VARS1: variants seen among roughly 807,000 people sequenced by gnomAD.
The protein encoded by VARS1 is valine--tRNA ligase.
In VARS1, 92 loss-of-function variants were observed where a neutral mutation model predicts 161.0. That is an observed-to-expected ratio of 0.57 (90% CI 0.48 to 0.68). The LOEUF is 0.68. Among genes scored for constraint, VARS1 ranks in the 30% least tolerant of loss-of-function variants. The probability of loss-of-function intolerance (pLI) is 0.00; values close to 1 mark genes in which losing one functional copy is unlikely to be tolerated. For missense variants in VARS1, 1,338 were observed against 1,695.9 expected, an observed-to-expected ratio of 0.79 and a Z score of 3.71; for synonymous variants, 595 against 682.5, an observed-to-expected ratio of 0.87 and a Z score of 2.00.
Position 31,782,299 on chromosome 6 carries a change from C to A in VARS1, c.2136G>T (p.Trp712Cys). 1 of 1,612,758 alleles carries A rather than the reference C, an allele frequency of 6.2e-7. No individual in the cohort carries two copies. The highest frequency in any genetic ancestry group is 8.5e-7 in the Non-Finnish European group (1 of 1,179,746). The change falls in exon 17 of 30, where the codon TGG (tryptophan) becomes TGT (cysteine). Residue 712 changes from tryptophan (W) to cysteine (C), a missense_variant. This residue lies in a region of VARS1 where 902 missense variants were observed against 1,090.3 expected (regional missense o/e 0.83). Coordinates refer to ENST00000375663, the MANE Select transcript of VARS1 (RefSeq NM_006295.3). This position sits in a 1 kb window ranked among gnomAD's most constrained non-coding sequence, Gnocchi z 8.3. ...PEAHQRTWHA[W>C]MDNIREWCIS... ...ACCCTACACACCGGATGTTGTCCATCCAGGCATGCCATGTGCGCTGATGGG... is the reference window on the plus strand; with the variant it reads ...ACCCTACACACCGGATGTTGTCCATACAGGCATGCCATGTGCGCTGATGGG...
rs970311664 is a variant in VARS1 at position 31,785,990 on chromosome 6, G to A, written c.1101-257C>T. Among the ~76,000 whole-genome samples the A allele has an allele frequency of 6.6e-6, 1 of 152,270 alleles. No individual in the cohort carries two copies. The highest frequency in any genetic ancestry group is 2.4e-5 in the African/African-American group (1 of 41,472). On this transcript the variant is annotated intron_variant, in intron 8 of 29. Coordinates refer to ENST00000375663, the MANE Select transcript of VARS1 (RefSeq NM_006295.3). This position sits in a 1 kb window ranked among gnomAD's most constrained non-coding sequence, Gnocchi z 6.1. ...AAAAATACAAAATTAGCTGGGCATG[G>A]TGGCATGCGCCTGTAATCCCAGCAC... is the stretch of plus-strand genomic sequence containing the variant.
In VARS1 at chr6:31,782,528, A is replaced by C. The variant is rs1317137845; in HGVS notation, c.1991+2T>G. The C allele has an allele frequency of 6.2e-7, 1 of 1,612,908 alleles. No individual in the cohort carries two copies. The highest frequency in any genetic ancestry group is 8.5e-7 in the Non-Finnish European group (1 of 1,179,982). ...CCTCCCGTCCCAGGCCCCCACCCTCACTTGCAAAGTGGCACCACCATGGGG... is the reference window on the plus strand; with the variant it reads ...CCTCCCGTCCCAGGCCCCCACCCTCCCTTGCAAAGTGGCACCACCATGGGG... On this transcript the variant is annotated splice_donor_variant, in intron 16 of 29. Transcript: ENST00000375663. LOFTEE classifies it high-confidence loss of function. This position sits in a 1 kb window ranked among gnomAD's most constrained non-coding sequence, Gnocchi z 8.3.
At chr6:31,792,953 C>T in intron 3 of VARS1, 33 bp downstream of exon 3, 1 of 1,614,114 alleles carries the variant, frequency 6.2e-7, no homozygotes, top group Non-Finnish European at 8.5e-7. Context: ...CTGAGGAGAG[C>T]AGTCTTGTTC....
rs1812919971 is a variant in VARS1, at chr6:31,778,922, T to C, written c.3726+45A>G. 6.2e-7 allele frequency: 1 copy of C among 1,610,952 alleles called. No individual in the cohort carries two copies. Among genetic ancestry groups the C allele is most frequent in the Non-Finnish European group, 8.5e-7 (1 of 1,178,564 alleles). On this transcript the variant is annotated intron_variant, in intron 29 of 29. Coordinates refer to ENST00000375663, the MANE Select transcript of VARS1 (RefSeq NM_006295.3). The surrounding 1 kb of genome is among the most constrained non-coding windows in gnomAD (Gnocchi z 5.1). ...GGACCAGCCCAGACCAGGGTTTTGA[T>C]GGAGGAAGGGGATGGTGTGGGAAAT...
intron 8 of VARS1, among the ~76,000 whole-genome samples, chr6:31,789,159 C>T (rs1447731193): frequency 6.6e-6 from 1 of 151,630 alleles, no homozygotes; most frequent in East Asian, 1.9e-4. Context: ...GAAACATTTA[C>T]AATTAACAGG....
At chr6:31,792,630 C>G (rs555266332) in intron 4 of VARS1, 114 bp from the exon 5 acceptor site, 10 of 1,591,462 alleles carry the variant, frequency 6.3e-6, no homozygotes, top group African/African-American at 5.4e-5. Context: ...TGCTGACCTC[C>G]CCCCTCTCCC....
intron 8 of VARS1, among the ~76,000 whole-genome samples, chr6:31,787,635 ACT>A (rs1192282426): frequency 2.7e-5 from 4 of 150,774 alleles, no homozygotes; most frequent in African/African-American, 7.3e-5. Flanking sequence ...ACAGAGCGAG[ACT>A]CTGTCTCAAT....
In VARS1 at chr6:31,780,470, T is replaced by C; in HGVS notation, c.2896A>G (p.Lys966Glu). ...GAGGTGGGTGAGGGCACAAAACCCT[T>C]CCCAAGGCCACGAAGGGCAAACTTG... ...ATKFALRGLG[K>E]GFVPSPTSQP... The change falls in exon 25 of 30, where the codon AAG becomes GAG. Residue 966 changes from lysine (K) to glutamate (E), a missense_variant. Physicochemically the swap from Lys to Glu is moderately conservative, Grantham distance 56 (BLOSUM62 1). Around this residue, in one of 3 missense-constraint regions of VARS1, gnomAD observed 433 missense variants for 586.2 expected, o/e 0.74. Coordinates refer to ENST00000375663, the MANE Select transcript of VARS1 (RefSeq NM_006295.3). The surrounding 1 kb of genome is among the most constrained non-coding windows in gnomAD (Gnocchi z 5.1). 2 of 1,613,902 alleles carry C rather than the reference T, an allele frequency of 1.2e-6. No individual in the cohort carries two copies. The highest frequency in any genetic ancestry group is 1.7e-6 in the Non-Finnish European group (2 of 1,179,960).
rs565263152 is a variant in VARS1 at position 31,778,517 on chromosome 6, GT to G, written c.3726+449del. Reference sequence around the variant, plus strand: ...CCAGGATTGGTTTTTGTTTTGTTTTGTTTTTTTTCCAGACAGGGTCTTCTCT... The same window carrying G: ...CCAGGATTGGTTTTTGTTTTGTTTTGTTTTTTTCCAGACAGGGTCTTCTCT... On this transcript the variant is annotated intron_variant, in intron 29 of 29. Transcript: ENST00000375663. This position sits in a 1 kb window ranked among gnomAD's most constrained non-coding sequence, Gnocchi z 5.1. Among the ~76,000 whole-genome samples, 1 of 151,804 alleles carries G rather than the reference GT, an allele frequency of 6.6e-6. No individual in the cohort carries two copies. Among genetic ancestry groups the G allele is most frequent in the Non-Finnish European group, 1.5e-5 (1 of 67,946 alleles).
Position 31,792,493 on chromosome 6 carries a change from T to C in VARS1, c.685A>G (p.Lys229Glu), listed in dbSNP as rs1342884268. 6.2e-7 allele frequency: 1 copy of C among 1,613,886 alleles called. No homozygotes were observed. Among genetic ancestry groups the C allele is most frequent in the East Asian group, 2.2e-5 (1 of 44,872 alleles). The change falls in exon 5 of 30, where the codon AAG becomes GAG. Residue 229 changes from lysine (K) to glutamate (E), a missense_variant. Transcript: ENST00000375663. ...TCTTTCTTGAGCTGAGCAGCTGTCT[T>C]TGGGAGGGCAGGAGCCTCGGGGCCT... is the stretch of plus-strand genomic sequence containing the variant. ...QPGPEAPALPKTAAQLKKEAK... is the reference protein window; with the variant it reads ...QPGPEAPALPETAAQLKKEAK...
At position 31,778,822 on chromosome 6, in the gene VARS1, G is replaced by T. The variant is rs1812911348; in HGVS notation, c.3726+145C>A. 2 of 1,142,060 alleles carry T rather than the reference G, an allele frequency of 1.8e-6. No homozygotes were observed. The highest frequency in any genetic ancestry group is 1.6e-5 in the African/African-American group (1 of 64,442). 70.7% of individuals were successfully genotyped at this position (1,142,060 alleles called of 1,614,324 possible). ...GAGCCAGGCTGTTTTGTTTTTTAAG[G>T]CTAGTGGGAGTGGAGAAGGAACAAA... On this transcript the variant is annotated intron_variant, in intron 29 of 29. Coordinates refer to ENST00000375663, the MANE Select transcript of VARS1 (RefSeq NM_006295.3). This position sits in a 1 kb window ranked among gnomAD's most constrained non-coding sequence, Gnocchi z 5.1.
At chr6:31,787,114 C>A (rs1294085070) in intron 8 of VARS1, among the ~76,000 whole-genome samples, 1 of 151,224 alleles carries the variant, frequency 6.6e-6, no homozygotes, top group African/African-American at 2.4e-5. Context: ...TTGTTCCCAG[C>A]TACTTGGGTG....
chr6:31,781,550 G>A lies in VARS1; in HGVS notation c.2475C>T (p.Ile825=). 1 of 1,613,054 alleles carries A rather than the reference G, an allele frequency of 6.2e-7. No homozygotes were observed. Among genetic ancestry groups the A allele is most frequent in the Non-Finnish European group, 8.5e-7 (1 of 1,180,018 alleles). ...PGTLLETGHD[I]LFFWVARMVM... ...CCATCCGGGCCACCCAGAAGAAGAG[G>A]ATGTCATGACCGGTCTCCAGCAGTG... is the stretch of plus-strand genomic sequence containing the variant. The change falls in exon 21 of 30, where the codon ATC becomes ATT. Residue 825 remains isoleucine, a synonymous_variant. Coordinates refer to ENST00000375663, the MANE Select transcript of VARS1 (RefSeq NM_006295.3). The surrounding 1 kb of genome is among the most constrained non-coding windows in gnomAD (Gnocchi z 6.8).
Position 31,781,644 on chromosome 6 carries a change from C to A in VARS1, c.2419-38G>T. On this transcript the variant is annotated intron_variant, in intron 20 of 29. Coordinates refer to ENST00000375663, the MANE Select transcript of VARS1 (RefSeq NM_006295.3). This position sits in a 1 kb window ranked among gnomAD's most constrained non-coding sequence, Gnocchi z 6.8. ...CAGGGTGTGAAGGGGAGCCAACACC[C>A]ACCCTCCAGTCCCCTGTCCCGCCAA... 7 of 1,612,960 alleles carry A rather than the reference C, an allele frequency of 4.3e-6. No individual in the cohort carries two copies. The highest frequency in any genetic ancestry group is 5.9e-6 in the Non-Finnish European group (7 of 1,179,992).
In VARS1 at chr6:31,791,566, G is replaced by C; in HGVS notation, c.1100+44C>G. ...GCTGTCAGGGAAAAGGAGAGAGCCAGACTAGGCAGAGGGAACCAGAGGAAG... is the reference window on the plus strand; with the variant it reads ...GCTGTCAGGGAAAAGGAGAGAGCCACACTAGGCAGAGGGAACCAGAGGAAG... On this transcript the variant is annotated intron_variant, in intron 8 of 29. Coordinates refer to ENST00000375663, the MANE Select transcript of VARS1 (RefSeq NM_006295.3). This position sits in a 1 kb window ranked among gnomAD's most constrained non-coding sequence, Gnocchi z 5.0. 2 of 1,573,852 alleles carry C rather than the reference G, an allele frequency of 1.3e-6. No homozygotes were observed. Among genetic ancestry groups the C allele is most frequent in the Non-Finnish European group, 1.7e-6 (2 of 1,159,782 alleles).
intron 2 of VARS1, among the ~76,000 whole-genome samples, chr6:31,794,521 A>T (rs1296800144): frequency 6.6e-6 from 1 of 152,192 alleles, no homozygotes; most frequent in Non-Finnish European, 1.5e-5. Flanking sequence ...TTTCAGACTC[A>T]TCAAACTTTT....
rs1463128956 is a variant in VARS1, at chr6:31,784,469, G to A, written c.1501C>T (p.Leu501Phe). ...DKKELTGRTLLSVPGYKEKVE... is the reference protein window; with the variant it reads ...DKKELTGRTLFSVPGYKEKVE... Reference sequence around the variant, plus strand: ...TTCTCCTTGTAGCCAGGCACGGAGAGCAGGGTGCGACCTGTCAGCTCCTTC... The same window carrying A: ...TTCTCCTTGTAGCCAGGCACGGAGAACAGGGTGCGACCTGTCAGCTCCTTC... Residue 501 changes from leucine to phenylalanine, a missense_variant, in exon 12 of 30, where the codon CTC becomes TTC. Physicochemically the swap from Leu to Phe is conservative, Grantham distance 22 (BLOSUM62 0). Coordinates refer to ENST00000375663, the MANE Select transcript of VARS1 (RefSeq NM_006295.3). The surrounding 1 kb of genome is among the most constrained non-coding windows in gnomAD (Gnocchi z 6.1). The A allele has an allele frequency of 1.2e-6, 2 of 1,613,994 alleles. No homozygotes were observed. The highest frequency in any genetic ancestry group is 2.2e-5 in the East Asian group (1 of 44,888).
chr6:31,779,417 A>C lies in VARS1; in HGVS notation c.3400+8T>G. On this transcript the variant is annotated splice_region_variant and intron_variant, in intron 28 of 29. Coordinates refer to ENST00000375663, the MANE Select transcript of VARS1 (RefSeq NM_006295.3). This position sits in a 1 kb window ranked among gnomAD's most constrained non-coding sequence, Gnocchi z 9.1. ...GGGATGGGGCGGACATGGGGGCCTG[A>C]GGCTCACAGTCAGGCCGGATCCGGG... is the stretch of plus-strand genomic sequence containing the variant. 1 of 1,610,634 alleles carries C rather than the reference A, an allele frequency of 6.2e-7. No individual in the cohort carries two copies. The highest frequency in any genetic ancestry group is 8.5e-7 in the Non-Finnish European group (1 of 1,179,906).
rs1446652038 is a variant in VARS1 at position 31,785,378 on chromosome 6, C to A, written c.1266-51G>T. ...CACTCGTGCCTGGGCTAGAGGGAGA[C>A]ATCAGGTGGCTGACTGGGCAGTGTG... On this transcript the variant is annotated intron_variant, in intron 9 of 29. Coordinates refer to ENST00000375663, the MANE Select transcript of VARS1 (RefSeq NM_006295.3). The surrounding 1 kb of genome is among the most constrained non-coding windows in gnomAD (Gnocchi z 6.1). The A allele has an allele frequency of 6.2e-7, 1 of 1,608,168 alleles. No individual in the cohort carries two copies. The highest frequency in any genetic ancestry group is 1.1e-5 in the South Asian group (1 of 90,782).
Sources: gnomAD v4.1 joint callset for allele counts (sites outside exome capture counted in the v4.1 genomes callset) on GRCh38, gnomAD v4.1.1 for gene constraint, gnomAD v4.1.1 regional missense constraint, Gnocchi (gnomAD v3.1) non-coding constraint, MANE v1.5 for transcripts, NCBI Gene and HGNC (gene_info 2026-07-23, HGNC 2026-07-21) for gene names.